The following CDK6 variants were observed in gnomAD, a reference collection of about 807,000 sequenced individuals.
CDK6 encodes the protein cyclin dependent kinase 6, also known as cyclin-dependent kinase 6.
A neutral mutation model predicts 37.1 loss-of-function variants in CDK6; 6 were observed. That is an observed-to-expected ratio of 0.16 (90% CI 0.09 to 0.32). The LOEUF (loss-of-function observed/expected upper bound fraction) is 0.32. Among genes scored for constraint, CDK6 ranks in the 10% least tolerant of loss-of-function variants. The pLI, the probability that CDK6 is intolerant of heterozygous loss-of-function variation, is 1.00. For synonymous variants in CDK6, 160 were observed against 161.3 expected (o/e 0.99, Z 0.06); for missense variants, 224 against 418.9 (o/e 0.53, Z 4.06).
chr7:92,809,858 G>C (rs1800827216), intron 2 of CDK6, among the ~76,000 whole-genome samples: 1 of 152,198 alleles, frequency 6.6e-6, no homozygotes, highest in Non-Finnish European at 1.5e-5. Context: ...GAGTGTGGCT[G>C]AAAAGAGAAA....
intron 3 of CDK6, among the ~76,000 whole-genome samples, chr7:92,743,809 C>G (rs970593968): frequency 6.6e-6 from 1 of 152,230 alleles, no homozygotes; most frequent in Admixed American, 6.5e-5. Flanking sequence ...ACAAGATGCT[C>G]AGTAAAAGAA....
chr7:92,710,244 T>A (rs1037023964), intron 4 of CDK6, among the ~76,000 whole-genome samples: 1 of 152,206 alleles, frequency 6.6e-6, no homozygotes, highest in African/African-American at 2.4e-5. Context: ...TTATGAGTGA[T>A]GAAACCTAAA....
At chr7:92,682,626 C>T (rs1186926932) in intron 4 of CDK6, among the ~76,000 whole-genome samples, 1 of 152,114 alleles carries the variant, frequency 6.6e-6, no homozygotes, top group Non-Finnish European at 1.5e-5. Flanking sequence ...ATAAAGCAAG[C>T]ATAAAATAAA....
intron 2 of CDK6, among the ~76,000 whole-genome samples, chr7:92,814,013 T>C (rs1438437824): frequency 6.6e-6 from 1 of 152,240 alleles, no homozygotes; most frequent in South Asian, 2.1e-4. Context: ...GCAGAATTTA[T>C]TCTTTTAAAT....
rs1367078225 is a variant in CDK6, at chr7:92,612,284, C to T, written c.*2856G>A. The T allele has an allele frequency of 4.3e-6, 1 of 233,020 alleles. No homozygotes were observed. Among genetic ancestry groups the T allele is most frequent in the African/African-American group, 2.2e-5 (1 of 45,346 alleles). 14.4% of individuals were successfully genotyped at this position (233,020 alleles called of 1,614,324 possible). ...CAATATTTTAACTTGCTATGAGCTG[C>T]TTCAGTGTAACCTTGGGGCAATATG... On this transcript the variant is annotated 3_prime_UTR_variant, in exon 8 of 8. Coordinates refer to ENST00000424848, the MANE Select transcript of CDK6 (RefSeq NM_001145306.2).
chr7:92,692,327 T>C (rs935784557), intron 4 of CDK6, among the ~76,000 whole-genome samples: 12 of 152,128 alleles, frequency 7.9e-5, no homozygotes, highest in African/African-American at 2.9e-4. Flanking sequence ...ATCTGACTGA[T>C]TGGCATTAAC....
At chr7:92,816,002 C>G (rs750300663) in intron 2 of CDK6, among the ~76,000 whole-genome samples, 4 of 152,110 alleles carry the variant, frequency 2.6e-5, no homozygotes, top group Non-Finnish European at 5.9e-5. Context: ...TACACTAGAT[C>G]CTCTCCCCAA....
At chr7:92,705,346 C>T (rs1012965651) in intron 4 of CDK6, among the ~76,000 whole-genome samples, 1 of 152,184 alleles carries the variant, frequency 6.6e-6, no homozygotes, top group Non-Finnish European at 1.5e-5. Context: ...CCTTCAGGCA[C>T]CAAGAGAGGA....
chr7:92,633,686 C>T (rs1295784568), intron 5 of CDK6, among the ~76,000 whole-genome samples: 3 of 149,152 alleles, frequency 2.0e-5, no homozygotes, highest in African/African-American at 7.4e-5. Context: ...ATGGAAGTGT[C>T]AATGTGGACA....
Position 92,670,570 on chromosome 7 carries a change from C to T in CDK6, c.647+856G>A, listed in dbSNP as rs150714759. ...TCTGTTTAATTTAGACTAGGCTGAA[C>T]TTAGTACCCAGATATGGATTATTTT... On this transcript the variant is annotated intron_variant, in intron 5 of 7. Transcript: ENST00000424848. 1.1e-4 allele frequency among the ~76,000 whole-genome samples: 17 copies of T among 152,314 alleles called. No individual in the cohort carries two copies. The East Asian group carries it at 3.1e-3, about 28-fold the overall frequency.
At chr7:92,789,227 C>T (rs556006466) in intron 2 of CDK6, among the ~76,000 whole-genome samples, 1 of 152,260 alleles carries the variant, frequency 6.6e-6, no homozygotes, top group East Asian at 1.9e-4. Context: ...AAAATTAAGA[C>T]ATTCTCAGAT....
intron 6 of CDK6, among the ~76,000 whole-genome samples, chr7:92,618,456 A>G (rs1795729490): frequency 6.6e-6 from 1 of 152,224 alleles, no homozygotes; most frequent in Non-Finnish European, 1.5e-5. Context: ...TTGCTCTGGT[A>G]GCAGACACTA....
In CDK6 at chr7:92,833,035, G is replaced by C. The variant is rs1191952057; in HGVS notation, c.233+56C>G. On this transcript the variant is annotated intron_variant, in intron 2 of 7. Transcript: ENST00000424848. This position sits in a 1 kb window ranked among gnomAD's most constrained non-coding sequence, Gnocchi z 6.1. ...TTCTGGGCCTGAGGATTCCCGGCTC[G>C]GCCCTCCCCGCGCGCGCGAGGCCCC... is the stretch of plus-strand genomic sequence containing the variant. The C allele has an allele frequency of 7.8e-6, 10 of 1,288,580 alleles. No homozygotes were observed. In the African/African-American group the frequency reaches 1.3e-4, roughly 17 times the overall value. The allele number at this position is 1,288,580 out of a possible 1,614,324, so 79.8% of individuals were successfully genotyped here.
intron 6 of CDK6, among the ~76,000 whole-genome samples, chr7:92,620,154 A>G (rs1420205156): frequency 6.6e-6 from 1 of 152,212 alleles, no homozygotes; most frequent in Admixed American, 6.5e-5. Context: ...ACATCTAATT[A>G]CATCTTGCAA....
chr7:92,714,584 T>TA (rs1342237382), intron 4 of CDK6, among the ~76,000 whole-genome samples: 4 of 152,304 alleles, frequency 2.6e-5, no homozygotes, highest in African/African-American at 9.6e-5. Context: ...AGCTCCCTTC[T>TA]ACATGCCAGT....
In CDK6 at chr7:92,834,807, C is replaced by G. The variant is rs1801604884; in HGVS notation, c.-367-1117G>C. Among the ~76,000 whole-genome samples the G allele has an allele frequency of 6.6e-6, 1 of 152,092 alleles. No individual in the cohort carries two copies. The highest frequency in any genetic ancestry group is 2.1e-4 in the South Asian group (1 of 4,820). ...GCTGTAGGTAGCAGAGGTGGCTGCC[C>G]CATTCCCCCTCCGGCTAAAGGCCCG... On this transcript the variant is annotated intron_variant, in intron 1 of 7. Coordinates refer to ENST00000424848, the MANE Select transcript of CDK6 (RefSeq NM_001145306.2). This position sits in a 1 kb window ranked among gnomAD's most constrained non-coding sequence, Gnocchi z 4.6.
intron 2 of CDK6, among the ~76,000 whole-genome samples, chr7:92,778,091 G>GAA (rs111812139): frequency 5.2e-4 from 74 of 142,198 alleles, no homozygotes; most frequent in South Asian, 1.1e-3. Flanking sequence ...TAAAGGAAAC[G>GAA]AAAAAAAAAA....
At chr7:92,763,222 AAT>A (rs1051216932) in intron 3 of CDK6, among the ~76,000 whole-genome samples, 1 of 152,244 alleles carries the variant, frequency 6.6e-6, no homozygotes, top group African/African-American at 2.4e-5. Context: ...CATGGCTTTC[AAT>A]ATATGAGCCT....
At chr7:92,664,156 A>T (rs1300453309) in intron 5 of CDK6, among the ~76,000 whole-genome samples, 4 of 152,142 alleles carry the variant, frequency 2.6e-5, no homozygotes, top group Non-Finnish European at 5.9e-5. Flanking sequence ...AATAAAATAA[A>T]AAAAAAGAGA....
Sources: gnomAD v4.1 joint callset for allele counts (sites outside exome capture counted in the v4.1 genomes callset) on GRCh38, gnomAD v4.1.1 for gene constraint, Gnocchi (gnomAD v3.1) non-coding constraint, MANE v1.5 for transcripts, NCBI Gene and HGNC (gene_info 2026-07-23, HGNC 2026-07-21) for gene names.